CLEC19A: variants seen among roughly 807,000 people sequenced by gnomAD.
CLEC19A encodes C-type lectin domain family 19 member A.
Under a neutral mutation model 26.1 loss-of-function variants are expected in CLEC19A, and 21 were observed. That is an observed-to-expected ratio of 0.80 (90% CI 0.57 to 1.16). The LOEUF (loss-of-function observed/expected upper bound fraction) is 1.16, where lower values mean the gene tolerates loss of function less well. CLEC19A is among the 50% of genes most tolerant of loss of function. CLEC19A has a pLI of 0.00. For missense variants in CLEC19A, 224 were observed against 227.6 expected (o/e 0.98, Z 0.10); for synonymous variants, 89 against 88.6 (o/e 1.00, Z -0.03).
At chr16:19,289,991 C>T (rs747611569) in intron 1 of CLEC19A, among the ~76,000 whole-genome samples, 13 of 152,176 alleles carry the variant, frequency 8.5e-5, no homozygotes, top group Admixed American at 3.9e-4. Context: ...TGAGCCTCTC[C>T]GCCTCCCCTC....
rs750529291 is a variant in CLEC19A at position 19,301,735 on chromosome 16, G to GTTTTTTTTTTTTTTTTTTTT, written c.255-2327_255-2326insTTTTTTTTTTTTTTTTTTTT. Among the ~76,000 whole-genome samples, 19 of 35,136 alleles carry GTTTTTTTTTTTTTTTTTTTT rather than the reference G, an allele frequency of 5.4e-4. 1 individual carries two copies. Among genetic ancestry groups the GTTTTTTTTTTTTTTTTTTTT allele is most frequent in the African/African-American group, 1.4e-3 (10 of 7,298 alleles). The allele number at this position is 35,136 out of a possible 152,430, so 23.1% of individuals were successfully genotyped here. On this transcript the variant is annotated intron_variant, in intron 2 of 4. Coordinates refer to ENST00000636231, the MANE Select transcript of CLEC19A (RefSeq NM_001256720.2). ...CATGACACCATGCCCAGGTTTTTTT[G>GTTTTTTTTTTTTTTTTTTTT]GTTTTTTTTTTTTTTTTTTTTTTTT...
chr16:19,291,414 C>T (rs942840433), intron 1 of CLEC19A, among the ~76,000 whole-genome samples: 2 of 152,162 alleles, frequency 1.3e-5, no homozygotes, highest in African/African-American at 4.8e-5. Context: ...GGGAGCTGTG[C>T]GATCTTGGGC....
chr16:19,299,347 A>G (rs1004878061), intron 2 of CLEC19A, among the ~76,000 whole-genome samples: 12 of 152,226 alleles, frequency 7.9e-5, no homozygotes, highest in Non-Finnish European at 1.6e-4. Context: ...ACCATATTAC[A>G]TAGGTATCTT....
chr16:19,295,926 A>G (rs560463604), intron 1 of CLEC19A, among the ~76,000 whole-genome samples: 2 of 152,338 alleles, frequency 1.3e-5, no homozygotes, highest in Non-Finnish European at 2.9e-5. Flanking sequence ...TTGACGCTTT[A>G]ACGCATCAAG....
chr16:19,290,961 C>T (rs1567251771), intron 1 of CLEC19A, among the ~76,000 whole-genome samples: 1 of 152,290 alleles, frequency 6.6e-6, no homozygotes, highest in East Asian at 1.9e-4. Flanking sequence ...TCTTCAGTCT[C>T]TTGAGTAGCT....
chr16:19,298,796 T>G lies in CLEC19A; in HGVS notation c.212T>G (p.Phe71Cys), dbSNP rs1030241732. Residue 71 changes from phenylalanine to cysteine, a missense_variant, in exon 2 of 5, where the codon TTC becomes TGC. Phe to Cys is a radical substitution (Grantham distance 205). Coordinates refer to ENST00000636231, the MANE Select transcript of CLEC19A (RefSeq NM_001256720.2). ...WAEADLYCSE[F>C]SVGRKSAKLA... is the part of the protein sequence containing the mutation. ...GAGGCCGACCTCTACTGTTCTGAGT[T>G]CTCTGTGGGCAGGAAGTCCGCCAAG... is the stretch of plus-strand genomic sequence containing the variant. 6.4e-7 allele frequency: 1 copy of G among 1,550,462 alleles called. No individual in the cohort carries two copies. Among genetic ancestry groups the G allele is most frequent in the African/African-American group, 1.4e-5 (1 of 73,032 alleles).
At chr16:19,286,679 C>A (rs1163245203) in intron 1 of CLEC19A, among the ~76,000 whole-genome samples, 1 of 152,204 alleles carries the variant, frequency 6.6e-6, no homozygotes, top group African/African-American at 2.4e-5. Context: ...GGCCAAGAGT[C>A]TTGACTGTCA....
At position 19,309,271 on chromosome 16, in the gene CLEC19A, A is replaced by G; in HGVS notation, c.*188A>G. On this transcript the variant is annotated 3_prime_UTR_variant, in exon 5 of 5. Transcript: ENST00000636231. Reference sequence around the variant, plus strand: ...CCAAGTGTCAGGAAAGCCAGCTCAAATTGGCTTAATTTTTTAAAGTGTTTT... The same window carrying G: ...CCAAGTGTCAGGAAAGCCAGCTCAAGTTGGCTTAATTTTTTAAAGTGTTTT... The G allele has an allele frequency of 2.0e-6, 1 of 506,990 alleles. No homozygotes were observed. The allele number at this position is 506,990 out of a possible 1,614,324, so 31.4% of individuals were successfully genotyped here.
chr16:19,289,626 C>G (rs903181827), intron 1 of CLEC19A, among the ~76,000 whole-genome samples: 8 of 152,198 alleles, frequency 5.3e-5, no homozygotes, highest in Non-Finnish European at 2.9e-5. Flanking sequence ...GATACTCCCT[C>G]CTAGGCTGAT....
At chr16:19,303,290 C>A (rs1454357080) in intron 2 of CLEC19A, among the ~76,000 whole-genome samples, 1 of 152,194 alleles carries the variant, frequency 6.6e-6, no homozygotes, top group Non-Finnish European at 1.5e-5. Flanking sequence ...TGTATTCATT[C>A]ATCCACCCAT....
chr16:19,288,751 G>C (rs933646387), intron 1 of CLEC19A, among the ~76,000 whole-genome samples: 1 of 152,046 alleles, frequency 6.6e-6, no homozygotes, highest in Non-Finnish European at 1.5e-5. Flanking sequence ...ATTCTTCTTC[G>C]ACCATCAAAA....
intron 4 of CLEC19A, among the ~76,000 whole-genome samples, chr16:19,308,158 C>T (rs1308233508): frequency 2.0e-5 from 3 of 152,190 alleles, no homozygotes; most frequent in Non-Finnish European, 4.4e-5. Flanking sequence ...CAGAGAATTA[C>T]TTATCCTCTC....
chr16:19,307,611 G>A lies in CLEC19A; in HGVS notation c.415G>A (p.Asp139Asn). ...CAGCTACTGGGATGGCAGCCAGCCA[G>A]ATGATGGCGTCCACGCGGACCCAGA... ...DYSYWDGSQP[D>N]DGVHADPEEE... The change falls in exon 4 of 5, where the codon GAT becomes AAT. Residue 139 changes from aspartate to asparagine, a missense_variant. Coordinates refer to ENST00000636231, the MANE Select transcript of CLEC19A (RefSeq NM_001256720.2). 6.5e-7 allele frequency: 1 copy of A among 1,548,374 alleles called. No individual in the cohort carries two copies. The highest frequency in any genetic ancestry group is 2.4e-5 in the East Asian group (1 of 40,898).
chr16:19,300,305 A>C (rs1218357518), intron 2 of CLEC19A, among the ~76,000 whole-genome samples: 2 of 152,054 alleles, frequency 1.3e-5, no homozygotes, highest in African/African-American at 4.8e-5. Context: ...TCCCAACCCT[A>C]TGGGAGGCTA....
intron 1 of CLEC19A, among the ~76,000 whole-genome samples, chr16:19,287,419 A>T (rs117658655): frequency 0.021 from 3,255 of 152,194 alleles, 74 homozygotes; most frequent in Non-Finnish European, 0.027. Flanking sequence ...TCCCAATACC[A>T]TCACATTGGG....
At chr16:19,287,960 C>T (rs1205187792) in intron 1 of CLEC19A, among the ~76,000 whole-genome samples, 3 of 152,224 alleles carry the variant, frequency 2.0e-5, no homozygotes, top group Admixed American at 1.3e-4. Flanking sequence ...AACTTCTGAA[C>T]ATCAGTCCCC....
intron 1 of CLEC19A, among the ~76,000 whole-genome samples, chr16:19,292,132 G>T (rs1397893395): frequency 1.3e-5 from 2 of 152,042 alleles, no homozygotes; most frequent in East Asian, 3.9e-4. Context: ...TCTTTGCCAG[G>T]CTCTGTTCAG....
intron 1 of CLEC19A, among the ~76,000 whole-genome samples, chr16:19,295,469 T>C (rs1204971877): frequency 6.6e-6 from 1 of 152,008 alleles, no homozygotes; most frequent in African/African-American, 2.4e-5. Flanking sequence ...TCCCAAGGTG[T>C]TGGTATTACA....
intron 3 of CLEC19A, 104 bp downstream of exon 3, chr16:19,304,259 A>G (rs1897902120): frequency 4.5e-6 from 4 of 893,296 alleles, no homozygotes; most frequent in Non-Finnish European, 5.4e-6. Context: ...CTATGCACAC[A>G]GCATATAGAG....
Sources: gnomAD v4.1 joint callset for allele counts (sites outside exome capture counted in the v4.1 genomes callset) on GRCh38, gnomAD v4.1.1 for gene constraint, MANE v1.5 for transcripts, NCBI Gene and HGNC (gene_info 2026-07-23, HGNC 2026-07-21) for gene names.